Variants in NEDD4L observed in about 807,000 individuals in gnomAD.
NEDD4L encodes the protein E3 ubiquitin-protein ligase NEDD4-like.
Under a neutral mutation model 148.9 loss-of-function variants are expected in NEDD4L, and 54 were observed. That is an observed-to-expected ratio of 0.36 (90% CI 0.29 to 0.45). NEDD4L has a LOEUF of 0.45. Among genes scored for constraint, NEDD4L ranks in the 20% least tolerant of loss-of-function variants. NEDD4L has a pLI of 1.00. For synonymous variants in NEDD4L, 433 were observed against 440.7 expected (o/e 0.98, Z 0.22); for missense variants, 856 against 1,233.8 (o/e 0.69, Z 4.59).
chr18:58,329,158 G>A lies in NEDD4L; in HGVS notation c.813+31G>A, dbSNP rs545111488. 28 of 1,604,940 alleles carry A rather than the reference G, an allele frequency of 1.7e-5. No homozygotes were observed. In the Admixed American group the frequency reaches 2.5e-4, roughly 14 times the overall value. Reference sequence around the variant, plus strand: ...ATGTCCCCAGAATGGTGCAAAGCCCGGCAGCTCCTTCTTCCCATGTTCTCC... The same window carrying A: ...ATGTCCCCAGAATGGTGCAAAGCCCAGCAGCTCCTTCTTCCCATGTTCTCC... On this transcript the variant is annotated intron_variant, in intron 10 of 30. Coordinates refer to ENST00000400345, the MANE Select transcript of NEDD4L (RefSeq NM_001144967.3).
At chr18:58,228,072 A>G (rs555477556) in intron 2 of NEDD4L, among the ~76,000 whole-genome samples, 5 of 150,970 alleles carry the variant, frequency 3.3e-5, no homozygotes, top group Non-Finnish European at 7.4e-5. Flanking sequence ...ACCCTACCCC[A>G]CTCCAGCCAT....
At chr18:58,392,653 G>C (rs2049990230) in intron 30 of NEDD4L, among the ~76,000 whole-genome samples, 1 of 152,150 alleles carries the variant, frequency 6.6e-6, no homozygotes, top group Non-Finnish European at 1.5e-5. Flanking sequence ...AATATTCAGA[G>C]CAGTCATTGT....
Position 58,379,427 on chromosome 18 carries a change from A to T in NEDD4L, c.2353-3819A>T, listed in dbSNP as rs116376794. On this transcript the variant is annotated intron_variant, in intron 24 of 30. Coordinates refer to ENST00000400345, the MANE Select transcript of NEDD4L (RefSeq NM_001144967.3). ...CCGGTGTTCAGTGCTGAGGACATAC[A>T]GTCCCTCCCCTCCTGTGGTGGCAAC... is the stretch of plus-strand genomic sequence containing the variant. 7.5e-3 allele frequency among the ~76,000 whole-genome samples: 1,148 copies of T among 152,346 alleles called. 11 individuals are homozygous for T. Among genetic ancestry groups the T allele is most frequent in the African/African-American group, 0.026 (1,100 of 41,574 alleles).
In NEDD4L at chr18:58,366,552, G is replaced by C; in HGVS notation, c.2063+324G>C. On this transcript the variant is annotated intron_variant, in intron 21 of 30. Transcript: ENST00000400345. This position sits in a 1 kb window ranked among gnomAD's most constrained non-coding sequence, Gnocchi z 4.2. Reference sequence around the variant, plus strand: ...TCAAGAGGAGGACTTGTCAGTGTTAGAATTCAAAAACAAAGGAGGTGTTTT... The same window carrying C: ...TCAAGAGGAGGACTTGTCAGTGTTACAATTCAAAAACAAAGGAGGTGTTTT... 4.6e-6 allele frequency: 1 copy of C among 217,322 alleles called. No individual in the cohort carries two copies. Among genetic ancestry groups the C allele is most frequent in the Non-Finnish European group, 9.0e-6 (1 of 110,832 alleles). The allele number at this position is 217,322 out of a possible 1,614,324, so 13.5% of individuals were successfully genotyped here. A position where few individuals can be genotyped will look rare whatever the true frequency, so the allele number is the denominator to read the frequency against.
At chr18:58,052,272 G>A (rs1410002077) in intron 1 of NEDD4L, among the ~76,000 whole-genome samples, 4 of 152,190 alleles carry the variant, frequency 2.6e-5, no homozygotes, top group Non-Finnish European at 2.9e-5. Flanking sequence ...GTAGCAGGGC[G>A]TTTGGTGGTT....
chr18:58,080,008 G>T (rs979600676), intron 1 of NEDD4L, among the ~76,000 whole-genome samples: 4 of 152,104 alleles, frequency 2.6e-5, no homozygotes, highest in African/African-American at 9.7e-5. Context: ...GCTCACTGTA[G>T]CCTTGAACTC....
intron 8 of NEDD4L, among the ~76,000 whole-genome samples, chr18:58,323,693 G>T (rs1270590630): frequency 6.6e-6 from 1 of 152,144 alleles, no homozygotes; most frequent in African/African-American, 2.4e-5. Flanking sequence ...CTTCAAAGTG[G>T]GTGGAGGAAT....
intron 1 of NEDD4L, chr18:58,046,702 G>A (rs1421525309): frequency 1.3e-5 from 2 of 152,184 alleles, no homozygotes; most frequent in Non-Finnish European, 2.9e-5. Flanking sequence ...CAGAGTCCGA[G>A]TGTGTGTTGG....
In NEDD4L at chr18:58,366,301, T is replaced by C; in HGVS notation, c.2063+73T>C. On this transcript the variant is annotated intron_variant, in intron 21 of 30. Coordinates refer to ENST00000400345, the MANE Select transcript of NEDD4L (RefSeq NM_001144967.3). The surrounding 1 kb of genome is among the most constrained non-coding windows in gnomAD (Gnocchi z 4.2). ...TATGAATTTAAACAGAATGAAAGGA[T>C]AAGCAGCTCATGAGTTCGAGATGCA... is the stretch of plus-strand genomic sequence containing the variant. 8.9e-7 allele frequency: 1 copy of C among 1,126,014 alleles called. No individual in the cohort carries two copies. Among genetic ancestry groups the C allele is most frequent in the Non-Finnish European group, 1.2e-6 (1 of 801,208 alleles). The allele number at this position is 1,126,014 out of a possible 1,614,324, so 69.8% of individuals were successfully genotyped here. A position where few individuals can be genotyped will look rare whatever the true frequency, so the allele number is the denominator to read the frequency against.
intron 1 of NEDD4L, among the ~76,000 whole-genome samples, chr18:58,163,934 C>T (rs992570560): frequency 3.3e-5 from 5 of 152,158 alleles, no homozygotes; most frequent in African/African-American, 1.2e-4. Context: ...GGTTTTCTTG[C>T]CCTCACCTAG....
chr18:58,365,967 T>C, intron 20 of NEDD4L, 32 bp from the exon 21 acceptor site: 1 of 1,456,914 alleles, frequency 6.9e-7, no homozygotes, highest in Non-Finnish European at 9.4e-7. Flanking sequence ...ATTTACTGTA[T>C]GATTATGTGT....
At chr18:58,197,977 G>A (rs2040918894) in intron 2 of NEDD4L, 1 of 152,282 alleles carries the variant, frequency 6.6e-6, no homozygotes, top group South Asian at 2.1e-4. Context: ...ACCTGCAAGT[G>A]ATAATAGCCT....
intron 1 of NEDD4L, among the ~76,000 whole-genome samples, chr18:58,111,469 A>G (rs2085416807): frequency 6.6e-6 from 1 of 152,188 alleles, no homozygotes; most frequent in Admixed American, 6.5e-5. Context: ...GGCAGCCTCT[A>G]AACTACTTTG....
intron 1 of NEDD4L, among the ~76,000 whole-genome samples, chr18:58,162,816 C>A (rs1050972384): frequency 1.3e-5 from 2 of 152,004 alleles, no homozygotes; most frequent in Admixed American, 6.6e-5. Flanking sequence ...GTAATCCCAG[C>A]ACTTTGGGAG....
At chr18:58,179,440 C>G (rs147464140) in intron 2 of NEDD4L, among the ~76,000 whole-genome samples, 1 of 152,152 alleles carries the variant, frequency 6.6e-6, no homozygotes. Context: ...CTCATCCTTC[C>G]GGCTGCTGTG....
rs1337164410 is a variant in NEDD4L, at chr18:58,121,939, G to GT, written c.49-43843dup. Among the ~76,000 whole-genome samples the GT allele has an allele frequency of 2.0e-5, 3 of 152,146 alleles. No homozygotes were observed. The East Asian group carries it at 5.8e-4, about 29-fold the overall frequency. On this transcript the variant is annotated intron_variant, in intron 1 of 30. Coordinates refer to ENST00000400345, the MANE Select transcript of NEDD4L (RefSeq NM_001144967.3). ...TTTTTCTCTGCACACCCATATATGT[G>GT]TTTTTTCTATGTTTTTATAGTATTG...
At chr18:58,069,430 G>C (rs751541136) in intron 1 of NEDD4L, among the ~76,000 whole-genome samples, 7 of 152,232 alleles carry the variant, frequency 4.6e-5, no homozygotes, top group Admixed American at 1.3e-4. Flanking sequence ...ATAACTAAAA[G>C]TATTCCAGGT....
At chr18:58,372,830 C>CG (rs2047056929) in intron 23 of NEDD4L, among the ~76,000 whole-genome samples, 1 of 132,788 alleles carries the variant, frequency 7.5e-6, no homozygotes, top group Non-Finnish European at 1.6e-5. Flanking sequence ...ATCTCAAAAA[C>CG]AAAAAAAAAA....
chr18:58,078,169 A>G (rs11875074), intron 1 of NEDD4L, among the ~76,000 whole-genome samples: 3,055 of 152,308 alleles, frequency 0.02, 113 homozygotes, highest in African/African-American at 0.069. Flanking sequence ...ATCACTGCCT[A>G]CCTGGTTTCC....
Sources: gnomAD v4.1 joint callset for allele counts (sites outside exome capture counted in the v4.1 genomes callset) on GRCh38, gnomAD v4.1.1 for gene constraint, Gnocchi (gnomAD v3.1) non-coding constraint, MANE v1.5 for transcripts, NCBI Gene and HGNC (gene_info 2026-07-23, HGNC 2026-07-21) for gene names.